Variants in GRB10 observed in about 807,000 individuals in gnomAD.
GRB10 encodes growth factor receptor-bound protein 10.
A neutral mutation model predicts 80.9 loss-of-function variants in GRB10; 20 were observed. The observed-to-expected ratio is 0.25, with a 90% CI of 0.17 to 0.36. The LOEUF is 0.36. Ranked by LOEUF, GRB10 falls within the 10% of genes least tolerant of loss-of-function variation. The probability of loss-of-function intolerance (pLI) is 1.00; values close to 1 mark genes in which losing one functional copy is unlikely to be tolerated. For missense variants in GRB10, 548 were observed against 747.7 expected, an observed-to-expected ratio of 0.73 and a Z score of 3.12; for synonymous variants, 291 against 291.5, an observed-to-expected ratio of 1.00 and a Z score of 0.02.
chr7:50,708,677 T>G (rs992070037), intron 4 of GRB10, among the ~76,000 whole-genome samples: 3 of 142,002 alleles, frequency 2.1e-5, no homozygotes, highest in African/African-American at 7.9e-5. Context: ...GAGTCTGTTT[T>G]TTTTTTTTTT....
chr7:50,738,090 C>A (rs2153695250), intron 3 of GRB10, among the ~76,000 whole-genome samples: 1 of 152,244 alleles, frequency 6.6e-6, no homozygotes, highest in Admixed American at 6.5e-5. Context: ...ACTCATTAGG[C>A]TGACTGATAT....
rs564576339 is a variant in GRB10, at chr7:50,692,131, G to A, written c.139+11690C>T. 3.3e-5 allele frequency among the ~76,000 whole-genome samples: 5 copies of A among 152,186 alleles called. No individual in the cohort carries two copies. In the East Asian group the frequency reaches 9.7e-4, roughly 29 times the overall value. ...CAACTATTTCCACAGCATTTACATTGCATTAAGTATTATAAGTAATCTAGA... is the reference window on the plus strand; with the variant it reads ...CAACTATTTCCACAGCATTTACATTACATTAAGTATTATAAGTAATCTAGA... On this transcript the variant is annotated intron_variant, in intron 5 of 18. Transcript: ENST00000401949.
intron 2 of GRB10, among the ~76,000 whole-genome samples, chr7:50,761,451 G>T (rs1443688904): frequency 6.6e-6 from 1 of 152,148 alleles, no homozygotes; most frequent in African/African-American, 2.4e-5. Flanking sequence ...AGGAATGAAA[G>T]ATTTTAGTGG....
intron 12 of GRB10, 139 bp from the exon 13 acceptor site, chr7:50,612,978 C>T (rs1318283052): frequency 5.6e-6 from 4 of 709,314 alleles, no homozygotes; most frequent in Non-Finnish European, 1.0e-5. Context: ...CAGATACACA[C>T]ACACCTGTGT....
In GRB10 at chr7:50,705,096, T is replaced by C. The variant is rs971203962; in HGVS notation, c.52-1188A>G. 9.3e-6 allele frequency: 9 copies of C among 965,268 alleles called. No homozygotes were observed. The African/African-American group carries it at 1.2e-4, about 13-fold the overall frequency. The allele number at this position is 965,268 out of a possible 1,614,324, so 59.8% of individuals were successfully genotyped here. A position where few individuals can be genotyped will look rare whatever the true frequency, so the allele number is the denominator to read the frequency against. ...GCCCAGAGCCCTCCTTGCTCACGCA[T>C]GAAATGGGATGGATGCTCACTTCTC... On this transcript the variant is annotated intron_variant, in intron 4 of 18. Coordinates refer to ENST00000401949, the MANE Select transcript of GRB10 (RefSeq NM_001350814.2).
At chr7:50,717,170 G>C (rs2066998993) in intron 4 of GRB10, among the ~76,000 whole-genome samples, 1 of 152,210 alleles carries the variant, frequency 6.6e-6, no homozygotes, top group Non-Finnish European at 1.5e-5. Flanking sequence ...CAAACTCCAA[G>C]GAGACAGTCT....
chr7:50,615,936 G>C (rs1363722140), intron 11 of GRB10, among the ~76,000 whole-genome samples: 1 of 152,122 alleles, frequency 6.6e-6, no homozygotes, highest in Non-Finnish European at 1.5e-5. Flanking sequence ...GAAGTGATGG[G>C]GCAGCCAGGG....
chr7:50,627,781 C>A (rs2053213946), intron 7 of GRB10, among the ~76,000 whole-genome samples: 1 of 152,218 alleles, frequency 6.6e-6, no homozygotes, highest in African/African-American at 2.4e-5. Flanking sequence ...CCGGAAAAAG[C>A]AGTCAGAGGA....
upstream of GRB10, among the ~76,000 whole-genome samples, chr7:50,786,738 A>G (rs770582639): frequency 6.6e-6 from 1 of 152,242 alleles, no homozygotes; most frequent in East Asian, 1.9e-4. Flanking sequence ...GGAAGCTTCT[A>G]TAGAAAGTAC....
chr7:50,737,193 C>T (rs1460606948), intron 3 of GRB10, among the ~76,000 whole-genome samples: 4 of 152,214 alleles, frequency 2.6e-5, no homozygotes, highest in Admixed American at 6.5e-5. Flanking sequence ...TGTGTCCCCA[C>T]CCAAATCTCA....
Position 50,676,880 on chromosome 7 carries a change from T to C in GRB10, c.140-2222A>G, listed in dbSNP as rs76383678. Among the ~76,000 whole-genome samples the C allele has an allele frequency of 2.1e-3, 311 of 151,694 alleles. 1 individual carries two copies. The highest frequency in any genetic ancestry group is 7.1e-3 in the African/African-American group (294 of 41,318). ...CAAGATCCTGGTGAAGACAGACAGA[T>C]AGAAGGGAGGGGTGAGGACAGAAGG... On this transcript the variant is annotated intron_variant, in intron 5 of 18. Transcript: ENST00000401949.
At chr7:50,667,816 AG>A (rs2059962899) in intron 7 of GRB10, among the ~76,000 whole-genome samples, 1 of 152,238 alleles carries the variant, frequency 6.6e-6, no homozygotes, top group African/African-American at 2.4e-5. Context: ...TCTGATCCCA[AG>A]AAAAACACCA....
intron 14 of GRB10, 98 bp from the exon 15 acceptor site, chr7:50,605,504 A>G (rs1183527545): frequency 2.0e-6 from 2 of 999,572 alleles, no homozygotes; most frequent in Non-Finnish European, 3.2e-6. Context: ...AAAGGGGAGC[A>G]GGGAATGCCT....
chr7:50,691,206 C>A (rs895911617), intron 5 of GRB10, among the ~76,000 whole-genome samples: 1 of 152,166 alleles, frequency 6.6e-6, no homozygotes, highest in African/African-American at 2.4e-5. Context: ...CAGTTGAAAT[C>A]TTGGTTTGAG....
At chr7:50,732,987 C>T (rs1046498686) in intron 3 of GRB10, among the ~76,000 whole-genome samples, 6 of 152,080 alleles carry the variant, frequency 3.9e-5, no homozygotes, top group African/African-American at 1.4e-4. Context: ...AAGACAAGAC[C>T]CTGTTATGGG....
chr7:50,779,449 C>T (rs2153712881), intron 2 of GRB10: 1 of 152,166 alleles, frequency 6.6e-6, no homozygotes, highest in East Asian at 1.9e-4. Context: ...AATAAATAAG[C>T]AAAATATATT....
At chr7:50,731,456 A>G (rs1337860205) in intron 4 of GRB10, among the ~76,000 whole-genome samples, 1 of 152,214 alleles carries the variant, frequency 6.6e-6, no homozygotes, top group African/African-American at 2.4e-5. Context: ...GCCTGAACAT[A>G]TAAAAGGACT....
intron 7 of GRB10, among the ~76,000 whole-genome samples, chr7:50,646,697 G>C (rs1215954681): frequency 1.3e-5 from 2 of 152,160 alleles, no homozygotes; most frequent in South Asian, 2.1e-4. Flanking sequence ...AGAGATGAGT[G>C]GGGGTAGAGT....
At chr7:50,666,017 G>A (rs17449259) in intron 7 of GRB10, among the ~76,000 whole-genome samples, 1 of 152,156 alleles carries the variant, frequency 6.6e-6, no homozygotes, top group Non-Finnish European at 1.5e-5. Flanking sequence ...CGAAGCCAGG[G>A]TGCAGTCATC....
Sources: gnomAD v4.1 joint callset for allele counts (sites outside exome capture counted in the v4.1 genomes callset) on GRCh38, gnomAD v4.1.1 for gene constraint, MANE v1.5 for transcripts, NCBI Gene and HGNC (gene_info 2026-07-23, HGNC 2026-07-21) for gene names.